Variants in RAB2B observed in about 807,000 individuals in gnomAD.
The protein encoded by RAB2B is RAB2B, member RAS oncogene family.
RAB2B carries 20 observed loss-of-function variants against 29.8 expected under a neutral mutation model. The ratio of observed to expected loss-of-function variants is 0.67; its 90% CI spans 0.47 to 0.97. The LOEUF (loss-of-function observed/expected upper bound fraction) is 0.97. Among genes scored for constraint, RAB2B ranks in the 50% least tolerant of loss-of-function variants. RAB2B has a pLI of 0.00. For synonymous variants in RAB2B, 93 were observed against 91.7 expected (o/e 1.01, Z -0.08); for missense variants, 218 against 272.0 (o/e 0.80, Z 1.40).
At chr14:21,471,542 G>C (rs533051290) in intron 3 of RAB2B, among the ~76,000 whole-genome samples, 1 of 151,562 alleles carries the variant, frequency 6.6e-6, no homozygotes, top group Non-Finnish European at 1.5e-5. Context: ...TAGTTGAGCC[G>C]GGGAGGTTGA....
chr14:21,464,047 G>C (rs1481673603), intron 5 of RAB2B, among the ~76,000 whole-genome samples: 1 of 152,112 alleles, frequency 6.6e-6, no homozygotes, highest in Non-Finnish European at 1.5e-5. Flanking sequence ...GTTACACAAA[G>C]CTTATGCTCT....
chr14:21,470,993 C>CAAAAAAAAAAAAAAAAAA (rs869211285), intron 3 of RAB2B, among the ~76,000 whole-genome samples: 2 of 98,766 alleles, frequency 2.0e-5, no homozygotes, highest in African/African-American at 8.6e-5. Flanking sequence ...GCTAAAAATA[C>CAAAAAAAAAAAAAAAAAA]AAAAAAAAAA....
In RAB2B at chr14:21,463,699, A is replaced by C. The variant is rs376962028; in HGVS notation, c.431T>G (p.Ile144Arg). The C allele has an allele frequency of 1.2e-6, 2 of 1,614,124 alleles. No homozygotes were observed. ...TGTTTTGGCTGAAGTTTCCATGAAT[A>C]TAAGTCCATGCTCCCTAGCAAAGGC... ...GEAFAREHGLIFMETSAKTAC... is the reference protein window; with the variant it reads ...GEAFAREHGLRFMETSAKTAC... The change falls in exon 6 of 8, where the codon ATA becomes AGA. Residue 144 changes from isoleucine (I) to arginine (R), a missense_variant. Physicochemically the swap from Ile to Arg is moderately conservative, Grantham distance 97. Transcript: ENST00000397762.
chr14:21,468,393 C>G lies in RAB2B; in HGVS notation c.326G>C (p.Ser109Thr), dbSNP rs934459298. ...SWLEDARQHS[S>T]SNMVIMLIGN... ...AATGAGCATGATAACCATGTTGGAA[C>G]TAGAGTGCTGCCGGGCATCCTCTAA... Residue 109 changes from serine to threonine, a missense_variant, in exon 5 of 8, where the codon AGT becomes ACT. Physicochemically the swap from Ser to Thr is moderately conservative, Grantham distance 58 (BLOSUM62 1). Coordinates refer to ENST00000397762, the MANE Select transcript of RAB2B (RefSeq NM_032846.4). 2 of 1,614,058 alleles carry G rather than the reference C, an allele frequency of 1.2e-6. No individual in the cohort carries two copies. The highest frequency in any genetic ancestry group is 3.3e-5 in the Admixed American group (2 of 60,008).
At chr14:21,465,698 C>T (rs944687058) in intron 5 of RAB2B, among the ~76,000 whole-genome samples, 1 of 152,244 alleles carries the variant, frequency 6.6e-6, no homozygotes, top group East Asian at 1.9e-4. Context: ...CCCCATCTCC[C>T]AAGCTTCAAT....
intron 6 of RAB2B, among the ~76,000 whole-genome samples, chr14:21,463,248 CTTT>C (rs36047568): frequency 4.3e-5 from 6 of 138,546 alleles, no homozygotes; most frequent in African/African-American, 5.4e-5. Flanking sequence ...GACATTCTTT[CTTT>C]TTTTTTTTTT....
intron 3 of RAB2B, 119 bp from the exon 4 acceptor site, chr14:21,468,871 G>T: frequency 3.8e-6 from 2 of 522,276 alleles, no homozygotes; most frequent in Non-Finnish European, 6.3e-6. Context: ...TTTCTATTAC[G>T]AAAAGAGAAT....
At chr14:21,474,839 C>T in intron 3 of RAB2B, 28 bp downstream of exon 3, 1 of 1,582,920 alleles carries the variant, frequency 6.3e-7, no homozygotes, top group South Asian at 1.1e-5. Context: ...GGATATTGGT[C>T]AGAGACTAAA....
chr14:21,469,306 C>G (rs781039822), intron 3 of RAB2B, among the ~76,000 whole-genome samples: 1 of 152,046 alleles, frequency 6.6e-6, no homozygotes, highest in Non-Finnish European at 1.5e-5. Context: ...AGATTAAAAG[C>G]ACTTCAACTG....
Position 21,460,180 on chromosome 14 carries a change from G to A in RAB2B, c.*1016C>T, listed in dbSNP as rs770592758. On this transcript the variant is annotated 3_prime_UTR_variant, in exon 8 of 8. Coordinates refer to ENST00000397762, the MANE Select transcript of RAB2B (RefSeq NM_032846.4). Reference sequence around the variant, plus strand: ...GAAGAAAAAAACTCAATGAAATTCCGAGGCAGAGGATCTATCAACCAAAGG... The same window carrying A: ...GAAGAAAAAAACTCAATGAAATTCCAAGGCAGAGGATCTATCAACCAAAGG... The A allele has an allele frequency of 1.2e-5, 6 of 518,970 alleles. No individual in the cohort carries two copies. Among genetic ancestry groups the A allele is most frequent in the South Asian group, 5.6e-5 (4 of 71,596 alleles). The allele number at this position is 518,970 out of a possible 1,614,324, so 32.1% of individuals were successfully genotyped here.
At chr14:21,475,066 G>T in intron 2 of RAB2B, 132 bp from the exon 3 acceptor site, 1 of 661,758 alleles carries the variant, frequency 1.5e-6, no homozygotes, top group Non-Finnish European at 2.7e-6. Context: ...TTCCATTATT[G>T]CTGCCTATTT....
intron 5 of RAB2B, among the ~76,000 whole-genome samples, chr14:21,465,208 A>T (rs1890659725): frequency 6.6e-6 from 1 of 152,236 alleles, no homozygotes; most frequent in South Asian, 2.1e-4. Context: ...GGGAAGATCT[A>T]AATGTCAACC....
chr14:21,474,333 C>A (rs1402329308), intron 3 of RAB2B, among the ~76,000 whole-genome samples: 1 of 152,162 alleles, frequency 6.6e-6, no homozygotes, highest in African/African-American at 2.4e-5. Context: ...TGAGACAGAT[C>A]TATATGTATT....
intron 2 of RAB2B, among the ~76,000 whole-genome samples, chr14:21,476,104 T>C (rs1200587695): frequency 6.6e-6 from 1 of 152,232 alleles, no homozygotes; most frequent in Non-Finnish European, 1.5e-5. Flanking sequence ...TGCCTATTAA[T>C]TCTAAGGCAG....
intron 3 of RAB2B, among the ~76,000 whole-genome samples, chr14:21,473,129 A>C (rs1890859630): frequency 6.6e-6 from 1 of 152,238 alleles, no homozygotes; most frequent in African/African-American, 2.4e-5. Context: ...AGCTTCAACT[A>C]CTTTTAAGAC....
At chr14:21,464,404 G>A (rs1386759156) in intron 5 of RAB2B, among the ~76,000 whole-genome samples, 7 of 126,050 alleles carry the variant, frequency 5.6e-5, no homozygotes, top group Non-Finnish European at 9.7e-5. Context: ...TCTCTTGGGC[G>A]GGGAAGAAAA....
chr14:21,476,919 C>T lies in RAB2B; in HGVS notation c.-47G>A. On this transcript the variant is annotated 5_prime_UTR_variant, in exon 1 of 8. The change creates a new upstream start codon in the 5' untranslated region. Coordinates refer to ENST00000397762, the MANE Select transcript of RAB2B (RefSeq NM_032846.4). The stretch of plus-strand genomic sequence containing the variant: ...CGGGTCCGCCCGACTTCTATAGCCA[C>T]TTACCTCCGACCTCTCTAGCCACTC... 6.2e-7 allele frequency: 1 copy of T among 1,601,074 alleles called. No individual in the cohort carries two copies. Among genetic ancestry groups the T allele is most frequent in the Non-Finnish European group, 8.5e-7 (1 of 1,170,004 alleles).
intron 3 of RAB2B, among the ~76,000 whole-genome samples, chr14:21,471,681 CTT>C (rs35750510): frequency 7.6e-6 from 1 of 132,352 alleles, no homozygotes. Flanking sequence ...TTTTTTTTTC[CTT>C]TTTTTTTTTT....
At chr14:21,463,994 T>A (rs1890629982) in intron 5 of RAB2B, among the ~76,000 whole-genome samples, 1 of 152,186 alleles carries the variant, frequency 6.6e-6, no homozygotes, top group Non-Finnish European at 1.5e-5. Flanking sequence ...CCTCACTCTA[T>A]TACAGAGAAA....
Sources: allele counts gnomAD v4.1 joint callset (sites outside exome capture counted in the v4.1 genomes callset), GRCh38; gene constraint gnomAD v4.1.1; transcripts MANE v1.5; gene names NCBI Gene and HGNC (gene_info 2026-07-23, HGNC 2026-07-21).